Variants in FSTL5 observed in about 807,000 individuals in gnomAD.
FSTL5 encodes follistatin like 5.
A neutral mutation model predicts 89.1 loss-of-function variants in FSTL5; 62 were observed. That is an observed-to-expected ratio of 0.70 (90% CI 0.57 to 0.86). The LOEUF is 0.86. Among genes scored for constraint, FSTL5 ranks in the 40% least tolerant of loss-of-function variants. The probability of loss-of-function intolerance (pLI) is 0.00; values close to 1 mark genes in which losing one functional copy is unlikely to be tolerated. For synonymous variants in FSTL5, 383 were observed against 346.2 expected (o/e 1.11, Z -1.18); for missense variants, 1,057 against 1,001.6 (o/e 1.06, Z -0.75).
chr4:162,131,174 C>A (rs541640910), intron 1 of FSTL5, among the ~76,000 whole-genome samples: 1 of 152,196 alleles, frequency 6.6e-6, no homozygotes, highest in South Asian at 2.1e-4. Flanking sequence ...AGCAAAAATA[C>A]TTTACTAAAA....
chr4:161,558,051 C>A (rs184139677), intron 8 of FSTL5, among the ~76,000 whole-genome samples: 1 of 151,918 alleles, frequency 6.6e-6, no homozygotes. Context: ...CACTATACAG[C>A]AATAAGAGCT....
At chr4:161,883,684 A>T (rs28709880) in intron 4 of FSTL5, among the ~76,000 whole-genome samples, 40,183 of 152,070 alleles carry the variant, frequency 0.26, 5,647 homozygotes, top group Non-Finnish European at 0.3. Context: ...ACTGATATAA[A>T]AATTAATGTG....
intron 3 of FSTL5, among the ~76,000 whole-genome samples, chr4:162,030,608 A>C (rs1318577965): frequency 2.0e-5 from 3 of 152,204 alleles, no homozygotes; most frequent in Admixed American, 6.6e-5. Flanking sequence ...ACATCCTTTT[A>C]TTTACGGAGA....
At chr4:161,512,136 G>A (rs1177616161) in intron 10 of FSTL5, among the ~76,000 whole-genome samples, 1 of 151,934 alleles carries the variant, frequency 6.6e-6, no homozygotes, top group African/African-American at 2.4e-5. Context: ...CAAAAGAAGT[G>A]GATTTTTTTG....
chr4:161,617,024 G>A (rs904915850), intron 7 of FSTL5, among the ~76,000 whole-genome samples: 1 of 151,302 alleles, frequency 6.6e-6, no homozygotes, highest in Non-Finnish European at 1.5e-5. Context: ...AACTTTTGAT[G>A]ATTTAGCTAT....
intron 10 of FSTL5, among the ~76,000 whole-genome samples, chr4:161,521,108 A>G (rs1214558290): frequency 6.6e-6 from 1 of 152,132 alleles, no homozygotes; most frequent in Non-Finnish European, 1.5e-5. Flanking sequence ...ATGACATAAT[A>G]AGCTCTAGAT....
At chr4:161,736,799 T>C (rs2126767467) in intron 6 of FSTL5, among the ~76,000 whole-genome samples, 1 of 152,228 alleles carries the variant, frequency 6.6e-6, no homozygotes, top group South Asian at 2.1e-4. Context: ...AGAAGATGTC[T>C]GTGGATACGT....
At chr4:161,414,044 A>T (rs1731690539) in intron 15 of FSTL5, among the ~76,000 whole-genome samples, 1 of 152,218 alleles carries the variant, frequency 6.6e-6, no homozygotes, top group African/African-American at 2.4e-5. Context: ...TATCTGCTGC[A>T]GATATGCCCC....
intron 1 of FSTL5, among the ~76,000 whole-genome samples, chr4:162,129,225 G>A (rs891076748): frequency 8.4e-4 from 128 of 152,222 alleles, no homozygotes; most frequent in African/African-American, 2.8e-3. Context: ...GAACGACGGC[G>A]CCTGGCCGAG....
At chr4:161,671,466 C>T (rs1481431393) in intron 6 of FSTL5, among the ~76,000 whole-genome samples, 1 of 152,150 alleles carries the variant, frequency 6.6e-6, no homozygotes, top group African/African-American at 2.4e-5. Context: ...TATGCAAAGC[C>T]TAAAATATTT....
intron 4 of FSTL5, among the ~76,000 whole-genome samples, chr4:161,808,769 A>C (rs1730050065): frequency 6.6e-6 from 1 of 152,190 alleles, no homozygotes; most frequent in African/African-American, 2.4e-5. Context: ...TAATATCCAA[A>C]ATATGTATGG....
intron 2 of FSTL5, among the ~76,000 whole-genome samples, chr4:162,087,862 A>G (rs1290848183): frequency 6.6e-6 from 1 of 152,178 alleles, no homozygotes; most frequent in Non-Finnish European, 1.5e-5. Context: ...TCAATGAGAT[A>G]CATTCAGTTG....
intron 13 of FSTL5, among the ~76,000 whole-genome samples, chr4:161,468,964 T>C (rs1437789200): frequency 6.6e-6 from 1 of 152,172 alleles, no homozygotes; most frequent in Non-Finnish European, 1.5e-5. Flanking sequence ...TAACCATTTT[T>C]AAGTGTGCTG....
At chr4:161,430,865 TTTCAG>T (rs1413930630) in intron 15 of FSTL5, among the ~76,000 whole-genome samples, 1 of 152,176 alleles carries the variant, frequency 6.6e-6, no homozygotes, top group Admixed American at 6.5e-5. Flanking sequence ...GCAGCAGACT[TTTCAG>T]TGGAAACCTT....
At chr4:161,849,222 T>C (rs1579139388) in intron 4 of FSTL5, among the ~76,000 whole-genome samples, 1 of 152,160 alleles carries the variant, frequency 6.6e-6, no homozygotes, top group East Asian at 1.9e-4. Flanking sequence ...AACCAGAATA[T>C]TTCTTCAGAA....
In FSTL5 at chr4:161,894,395, A is replaced by G. The variant is rs528782285; in HGVS notation, c.409+26009T>C. On this transcript the variant is annotated intron_variant, in intron 4 of 15. Coordinates refer to ENST00000306100, the MANE Select transcript of FSTL5 (RefSeq NM_020116.5). Reference sequence around the variant, plus strand: ...TCTGTTTTGTATTTGAAAAGCTAAGAGCAAAACAAACAAAATCCTCTGTTG... The same window carrying G: ...TCTGTTTTGTATTTGAAAAGCTAAGGGCAAAACAAACAAAATCCTCTGTTG... Among the ~76,000 whole-genome samples, 12 of 152,342 alleles carry G rather than the reference A, an allele frequency of 7.9e-5. No individual in the cohort carries two copies. In the East Asian group the frequency reaches 2.3e-3, roughly 29 times the overall value.
intron 4 of FSTL5, among the ~76,000 whole-genome samples, chr4:161,839,500 AT>A (rs1165836776): frequency 1.3e-5 from 2 of 152,202 alleles, no homozygotes; most frequent in Non-Finnish European, 2.9e-5. Flanking sequence ...ATGCTCAACA[AT>A]AAAAGGGAGT....
chr4:161,994,507 AAGTG>A (rs1253993963), intron 3 of FSTL5, among the ~76,000 whole-genome samples: 97 of 152,296 alleles, frequency 6.4e-4, no homozygotes, highest in Non-Finnish European at 8.7e-4. Context: ...AACAATGTAT[AAGTG>A]TTCCCTTTTC....
At chr4:161,534,930 C>T (rs752647297) in intron 10 of FSTL5, among the ~76,000 whole-genome samples, 2 of 152,006 alleles carry the variant, frequency 1.3e-5, no homozygotes, top group Non-Finnish European at 2.9e-5. Context: ...ACACTTACAA[C>T]CATCTTATCT....
Sources: gnomAD v4.1 joint callset for allele counts (sites outside exome capture counted in the v4.1 genomes callset) on GRCh38, gnomAD v4.1.1 for gene constraint, MANE v1.5 for transcripts, NCBI Gene and HGNC (gene_info 2026-07-23, HGNC 2026-07-21) for gene names.